Variants in SH2D4B observed in about 807,000 individuals in gnomAD.
SH2D4B encodes the protein SH2 domain-containing protein 4B.
In SH2D4B, 45 loss-of-function variants were observed where a neutral mutation model predicts 61.5. That is an observed-to-expected ratio of 0.73 (90% CI 0.58 to 0.94). The LOEUF is 0.94. SH2D4B is among the 40% of genes least tolerant of loss of function. The pLI, the probability that SH2D4B is intolerant of heterozygous loss-of-function variation, is 0.00. For synonymous variants in SH2D4B, 224 were observed against 220.4 expected (o/e 1.02, Z -0.14); for missense variants, 572 against 574.2 (o/e 1.00, Z 0.04).
chr10:80,540,986 G>C, intron 1 of SH2D4B: 1 of 1,260,132 alleles, frequency 7.9e-7, no homozygotes, highest in Non-Finnish European at 1.1e-6. Flanking sequence ...TCTTGAGAAA[G>C]AACTCGGGAA....
chr10:80,543,504 G>A (rs1238032073), intron 1 of SH2D4B, among the ~76,000 whole-genome samples: 1 of 152,162 alleles, frequency 6.6e-6, no homozygotes, highest in Non-Finnish European at 1.5e-5. Context: ...CCCTGCCTCC[G>A]TGGGCTCCTG....
At position 80,645,802 on chromosome 10, in the gene SH2D4B, A is replaced by G. The variant is rs1210590676; in HGVS notation, c.*1717A>G. 1 of 152,174 alleles carries G rather than the reference A, an allele frequency of 6.6e-6. No homozygotes were observed. The highest frequency in any genetic ancestry group is 1.9e-4 in the East Asian group (1 of 5,190). The allele number at this position is 152,174 out of a possible 1,614,324, so 9.4% of individuals were successfully genotyped here. On this transcript the variant is annotated 3_prime_UTR_variant, in exon 8 of 8. Transcript: ENST00000646907. Reference sequence around the variant, plus strand: ...AACCCATTATACAGAAGTGTTCAATAATATCAATTTTGCAACTCACTCAGC... The same window carrying G: ...AACCCATTATACAGAAGTGTTCAATGATATCAATTTTGCAACTCACTCAGC...
intron 6 of SH2D4B, among the ~76,000 whole-genome samples, chr10:80,610,277 C>T (rs1421861036): frequency 6.6e-6 from 1 of 152,158 alleles, no homozygotes; most frequent in Non-Finnish European, 1.5e-5. Flanking sequence ...CTGCTCATTT[C>T]CTGGACAGAG....
chr10:80,549,433 A>T (rs1841728324), intron 1 of SH2D4B, among the ~76,000 whole-genome samples: 1 of 152,170 alleles, frequency 6.6e-6, no homozygotes, highest in African/African-American at 2.4e-5. Flanking sequence ...TTCTGCCTCC[A>T]TACAGCAGCC....
In SH2D4B at chr10:80,538,323, G is replaced by C; in HGVS notation, c.-9G>C. ...CTGCCCTTCTGGTGCGTGCATCCCA[G>C]GTGGCATCATGCTGCAGCAGATCCT... is the stretch of plus-strand genomic sequence containing the variant. On this transcript the variant is annotated 5_prime_UTR_variant, in exon 1 of 8. Transcript: ENST00000646907. The surrounding 1 kb of genome is among the most constrained non-coding windows in gnomAD (Gnocchi z 4.8). 7.5e-7 allele frequency: 1 copy of C among 1,329,260 alleles called. No homozygotes were observed. The highest frequency in any genetic ancestry group is 9.7e-7 in the Non-Finnish European group (1 of 1,031,758). 82.3% of individuals were successfully genotyped at this position (1,329,260 alleles called of 1,614,324 possible).
intron 5 of SH2D4B, among the ~76,000 whole-genome samples, chr10:80,604,855 G>A (rs1191276743): frequency 4.6e-5 from 7 of 151,122 alleles, no homozygotes; most frequent in Admixed American, 6.6e-5. Context: ...GTGCAGTGGC[G>A]TGATCTCAGC....
intron 6 of SH2D4B, among the ~76,000 whole-genome samples, chr10:80,616,785 G>T (rs983130462): frequency 2.0e-5 from 3 of 152,236 alleles, no homozygotes; most frequent in Non-Finnish European, 4.4e-5. Context: ...GTTACTTTGT[G>T]CTGGCATTGT....
At chr10:80,580,469 C>T (rs1325367910) in intron 3 of SH2D4B, among the ~76,000 whole-genome samples, 1 of 152,104 alleles carries the variant, frequency 6.6e-6, no homozygotes, top group African/African-American at 2.4e-5. Flanking sequence ...GTGTCAAAAC[C>T]ATGAAAAGGG....
At chr10:80,586,314 C>G (rs1842247806) in intron 3 of SH2D4B, among the ~76,000 whole-genome samples, 1 of 152,216 alleles carries the variant, frequency 6.6e-6, no homozygotes, top group Admixed American at 6.5e-5. Flanking sequence ...GCGCGATCCA[C>G]TGGGTGAAGC....
chr10:80,590,314 C>T (rs980515534), intron 4 of SH2D4B, among the ~76,000 whole-genome samples: 1 of 152,010 alleles, frequency 6.6e-6, no homozygotes, highest in Non-Finnish European at 1.5e-5. Flanking sequence ...GTGTGAAAGC[C>T]CAACAAGGGA....
intron 5 of SH2D4B, among the ~76,000 whole-genome samples, chr10:80,604,545 T>C (rs1842493439): frequency 6.6e-6 from 1 of 152,166 alleles, no homozygotes; most frequent in Admixed American, 6.5e-5. Flanking sequence ...TCAGGTAATC[T>C]GCAGAAGAGT....
intron 3 of SH2D4B, among the ~76,000 whole-genome samples, chr10:80,586,069 G>C (rs1373481739): frequency 1.3e-5 from 2 of 152,180 alleles, no homozygotes; most frequent in Admixed American, 1.3e-4. Context: ...CCGGCCCAGC[G>C]GCACTGCACT....
chr10:80,610,366 T>G (rs1842582022), intron 6 of SH2D4B, among the ~76,000 whole-genome samples: 1 of 152,184 alleles, frequency 6.6e-6, no homozygotes, highest in African/African-American at 2.4e-5. Context: ...TTAAGGAGCT[T>G]GCTTGTTTTC....
At chr10:80,572,972 ATATATATATATATAT>A (rs1842073730) in intron 3 of SH2D4B, among the ~76,000 whole-genome samples, 2 of 9,276 alleles carry the variant, frequency 2.2e-4, no homozygotes, top group African/African-American at 5.9e-4. Flanking sequence ...ATATATATAT[ATATATATATATATAT>A]TTTTTTTTTT....
chr10:80,604,051 C>T (rs919546715), intron 5 of SH2D4B, among the ~76,000 whole-genome samples: 18 of 152,180 alleles, frequency 1.2e-4, no homozygotes, highest in South Asian at 2.1e-4. Context: ...CTGAAGAAAG[C>T]GGTGTACCTT....
chr10:80,599,192 G>A (rs1426943076), intron 4 of SH2D4B, among the ~76,000 whole-genome samples: 2 of 152,178 alleles, frequency 1.3e-5, no homozygotes, highest in Non-Finnish European at 1.5e-5. Context: ...CTTGAGACAG[G>A]TAGAGCCGGA....
At chr10:80,555,101 C>T (rs934903213) in intron 1 of SH2D4B, among the ~76,000 whole-genome samples, 1 of 151,738 alleles carries the variant, frequency 6.6e-6, no homozygotes, top group African/African-American at 2.4e-5. Flanking sequence ...TAAAATTCAC[C>T]ATCACAGCAT....
intron 1 of SH2D4B, among the ~76,000 whole-genome samples, chr10:80,543,739 G>A (rs984541296): frequency 6.6e-6 from 1 of 152,086 alleles, no homozygotes; most frequent in African/African-American, 2.4e-5. Flanking sequence ...TACACCAATC[G>A]GCACTCTGTA....
At chr10:80,588,870 C>A (rs151277711) in intron 4 of SH2D4B, 93 bp downstream of exon 4, 17 of 1,463,128 alleles carry the variant, frequency 1.2e-5, no homozygotes, top group Non-Finnish European at 3.7e-6. Context: ...CATTTCCATT[C>A]GCTCACTCAC....
Sources: allele counts gnomAD v4.1 joint callset (sites outside exome capture counted in the v4.1 genomes callset), GRCh38; gene constraint gnomAD v4.1.1; non-coding constraint Gnocchi (gnomAD v3.1); transcripts MANE v1.5; gene names NCBI Gene and HGNC (gene_info 2026-07-23, HGNC 2026-07-21).